KIAA0513: variants seen among roughly 807,000 people sequenced by gnomAD.
The protein encoded by KIAA0513 is KIAA0513.
A neutral mutation model predicts 56.5 loss-of-function variants in KIAA0513; 39 were observed. That is an observed-to-expected ratio of 0.69 (90% confidence interval 0.53 to 0.90). The LOEUF (loss-of-function observed/expected upper bound fraction) is 0.90. KIAA0513 is among the 40% of genes least tolerant of loss of function. The pLI is 0.00. For missense variants in KIAA0513, 591 were observed against 535.2 expected (o/e 1.10, Z -1.03); for synonymous variants, 268 against 215.6 (o/e 1.24, Z -2.13).
rs72803584 is a variant in KIAA0513, at chr16:85,054,301, A to C, written c.-172-12599A>C. On this transcript the variant is annotated intron_variant, in intron 1 of 12. Coordinates refer to ENST00000683363, the MANE Select transcript of KIAA0513 (RefSeq NM_001388359.1). ...TGTCACCTTGGTCCATAAGAAAGAA[A>C]ATATAAGCAAAATAAATTGGTTAAA... is the stretch of plus-strand genomic sequence containing the variant. Among the ~76,000 whole-genome samples the C allele has an allele frequency of 6.6e-3, 1,012 of 152,322 alleles. 9 individuals are homozygous for C. Among genetic ancestry groups the C allele is most frequent in the Non-Finnish European group, 0.011 (751 of 68,026 alleles).
intron 1 of KIAA0513, among the ~76,000 whole-genome samples, chr16:85,057,496 T>C (rs1282473313): frequency 6.6e-6 from 1 of 152,162 alleles, no homozygotes; most frequent in African/African-American, 2.4e-5. Flanking sequence ...TGCAGCCCCT[T>C]TGGGTGGAGC....
Position 85,067,239 on chromosome 16 carries a change from C to G in KIAA0513, c.168C>G (p.Asp56Glu). 1 of 1,614,144 alleles carries G rather than the reference C, an allele frequency of 6.2e-7. No homozygotes were observed. Among genetic ancestry groups the G allele is most frequent in the Non-Finnish European group, 8.5e-7 (1 of 1,180,010 alleles). The change falls in exon 2 of 13, where the codon GAC becomes GAG. Residue 56 changes from aspartate (D) to glutamate (E), a missense_variant. Transcript: ENST00000683363. ...ETTESADSEN[D>E]MGESPSHPSW... ...CTGAGTCTGCGGACAGTGAGAATGA[C>G]ATGGGCGAGTCGCCCTCGCACCCGT...
At position 85,081,416 on chromosome 16, in the gene KIAA0513, T is replaced by G. The variant is rs2073742783; in HGVS notation, c.980+24T>G. The G allele has an allele frequency of 6.5e-7, 1 of 1,549,272 alleles. No homozygotes were observed. Among genetic ancestry groups the G allele is most frequent in the African/African-American group, 1.4e-5 (1 of 72,992 alleles). On this transcript the variant is annotated intron_variant, in intron 9 of 12. Transcript: ENST00000683363. This position sits in a 1 kb window ranked among gnomAD's most constrained non-coding sequence, Gnocchi z 4.4. ...AGGTAGGAGCAAAGTGTGGCCCCAT[T>G]TGGCCTCAGGAAAAAGGACCAGGGA...
At chr16:85,028,027 G>T (rs1335883193) in intron 1 of KIAA0513, among the ~76,000 whole-genome samples, 169 bp downstream of exon 1, 6 of 152,028 alleles carry the variant, frequency 3.9e-5, no homozygotes, top group African/African-American at 1.4e-4. Context: ...GCGGGGGCGG[G>T]GCCTCGCGGG....
At chr16:85,061,896 T>A (rs758457200) in intron 1 of KIAA0513, among the ~76,000 whole-genome samples, 1 of 152,202 alleles carries the variant, frequency 6.6e-6, no homozygotes, top group Non-Finnish European at 1.5e-5. Context: ...TCTTTTCCCA[T>A]GAGCGGTGGC....
intron 10 of KIAA0513, 60 bp downstream of exon 10, chr16:85,082,653 G>A: frequency 1.9e-6 from 3 of 1,541,006 alleles, no homozygotes; most frequent in Non-Finnish European, 1.8e-6. Context: ...GAAGGCCACT[G>A]CAGGGTGGGG....
intron 2 of KIAA0513, among the ~76,000 whole-genome samples, chr16:85,068,679 C>G (rs1309027741): frequency 7.2e-5 from 11 of 152,030 alleles, no homozygotes; most frequent in Admixed American, 7.2e-4. Context: ...GTTGGCCAGG[C>G]TGGTCTCGAA....
chr16:85,035,436 T>G (rs1207201073), intron 1 of KIAA0513, among the ~76,000 whole-genome samples: 1 of 152,210 alleles, frequency 6.6e-6, no homozygotes, highest in Non-Finnish European at 1.5e-5. Context: ...TAACCTCAAG[T>G]CTTTTAGCGT....
chr16:85,053,633 A>G (rs1392025866), intron 1 of KIAA0513, among the ~76,000 whole-genome samples: 1 of 152,166 alleles, frequency 6.6e-6, no homozygotes, highest in Non-Finnish European at 1.5e-5. Flanking sequence ...CATTACTAAG[A>G]AAGATTACTT....
chr16:85,071,459 C>T (rs1160996199), intron 2 of KIAA0513, among the ~76,000 whole-genome samples: 1 of 152,206 alleles, frequency 6.6e-6, no homozygotes, highest in Non-Finnish European at 1.5e-5. Context: ...GTGCCCTTAT[C>T]CAGGCTCAGA....
chr16:85,086,196 T>G (rs190054520), intron 10 of KIAA0513, among the ~76,000 whole-genome samples: 1 of 152,232 alleles, frequency 6.6e-6, no homozygotes, highest in African/African-American at 2.4e-5. Flanking sequence ...GGTGTGAGTC[T>G]AAAAACGTTC....
At chr16:85,037,232 C>G (rs1351910661) in intron 1 of KIAA0513, among the ~76,000 whole-genome samples, 1 of 151,932 alleles carries the variant, frequency 6.6e-6, no homozygotes, top group African/African-American at 2.4e-5. Context: ...GACTCACAAG[C>G]AGATGACTCA....
intron 7 of KIAA0513, 96 bp from the exon 8 acceptor site, chr16:85,078,829 G>A (rs764648786): frequency 5.0e-5 from 66 of 1,316,074 alleles, no homozygotes; most frequent in Middle Eastern, 1.8e-4. Context: ...AGTGACATTC[G>A]GGGAGAAACT....
At chr16:85,038,574 G>A (rs772085212) in intron 1 of KIAA0513, among the ~76,000 whole-genome samples, 1 of 151,888 alleles carries the variant, frequency 6.6e-6, no homozygotes, top group Non-Finnish European at 1.5e-5. Flanking sequence ...TGGGCGTGGT[G>A]GTGGGCACCT....
chr16:85,088,369 A>G lies in KIAA0513; in HGVS notation c.*44A>G. The G allele has an allele frequency of 1.3e-6, 2 of 1,575,280 alleles. No individual in the cohort carries two copies. Among genetic ancestry groups the G allele is most frequent in the East Asian group, 2.2e-5 (1 of 44,686 alleles). ...CGCAGGAGGACTGAGGCCATGTGCCATTCTCCCGGGCCCAGCGCCCGGCCG... is the reference window on the plus strand; with the variant it reads ...CGCAGGAGGACTGAGGCCATGTGCCGTTCTCCCGGGCCCAGCGCCCGGCCG... On this transcript the variant is annotated 3_prime_UTR_variant, in exon 13 of 13. Coordinates refer to ENST00000683363, the MANE Select transcript of KIAA0513 (RefSeq NM_001388359.1).
intron 1 of KIAA0513, among the ~76,000 whole-genome samples, chr16:85,030,513 G>A (rs975880458): frequency 5.3e-5 from 8 of 152,116 alleles, no homozygotes; most frequent in Non-Finnish European, 7.4e-5. Context: ...TTGGGAGGCC[G>A]AGGCAGGTGG....
chr16:85,078,710 A>G (rs1597640321), intron 7 of KIAA0513, among the ~76,000 whole-genome samples: 1 of 152,242 alleles, frequency 6.6e-6, no homozygotes, highest in East Asian at 1.9e-4. Flanking sequence ...GGCTGTGGCC[A>G]TGCTACGGAA....
At chr16:85,083,919 C>T (rs1053045683) in intron 10 of KIAA0513, among the ~76,000 whole-genome samples, 1 of 152,200 alleles carries the variant, frequency 6.6e-6, no homozygotes, top group African/African-American at 2.4e-5. Flanking sequence ...CAGAGGCAGA[C>T]GATTCTGCAT....
intron 4 of KIAA0513, among the ~76,000 whole-genome samples, chr16:85,074,462 C>G (rs191919201): frequency 6.6e-6 from 1 of 152,112 alleles, no homozygotes; most frequent in Non-Finnish European, 1.5e-5. Context: ...GGATTACAGG[C>G]GTGAAACACC....
Sources: gnomAD v4.1 joint callset for allele counts (sites outside exome capture counted in the v4.1 genomes callset) on GRCh38, gnomAD v4.1.1 for gene constraint, Gnocchi (gnomAD v3.1) non-coding constraint, MANE v1.5 for transcripts, NCBI Gene and HGNC (gene_info 2026-07-23, HGNC 2026-07-21) for gene names.